The following TNR variants were observed in gnomAD, a reference collection of about 807,000 sequenced individuals.
The protein encoded by TNR is tenascin-R.
Under a neutral mutation model 150.4 loss-of-function variants are expected in TNR, and 45 were observed. The ratio of observed to expected loss-of-function variants is 0.30; its 90% CI spans 0.24 to 0.38. The LOEUF is 0.38. Ranked by LOEUF, TNR falls within the 10% of genes least tolerant of loss-of-function variation. TNR has a pLI of 1.00. For missense variants in TNR, 1,544 were observed against 1,759.1 expected (o/e 0.88, Z 2.19); for synonymous variants, 687 against 678.4 (o/e 1.01, Z -0.20).
At chr1:175,549,647 T>A (rs558558764) in intron 1 of TNR, among the ~76,000 whole-genome samples, 1 of 152,302 alleles carries the variant, frequency 6.6e-6, no homozygotes, top group East Asian at 1.9e-4. Flanking sequence ...TTCAGCTTGT[T>A]GCAGAGAGGG....
At chr1:175,601,364 A>T (rs1031538039) in intron 1 of TNR, among the ~76,000 whole-genome samples, 1 of 152,132 alleles carries the variant, frequency 6.6e-6, no homozygotes, top group Non-Finnish European at 1.5e-5. Context: ...TTTCAATTTG[A>T]TATATGTTTG....
intron 1 of TNR, among the ~76,000 whole-genome samples, chr1:175,671,801 A>T (rs1349367150): frequency 6.6e-6 from 1 of 151,944 alleles, no homozygotes; most frequent in Non-Finnish European, 1.5e-5. Flanking sequence ...TAGGCACATA[A>T]AATTGCACTT....
chr1:175,331,048 T>TC (rs1557867566), intron 20 of TNR, among the ~76,000 whole-genome samples: 3 of 90,664 alleles, frequency 3.3e-5, no homozygotes, highest in African/African-American at 1.2e-4. Context: ...TTTCTTTCTT[T>TC]CTTTCTTTCT....
chr1:175,478,815 T>G (rs1053090696), intron 2 of TNR, among the ~76,000 whole-genome samples: 5 of 152,222 alleles, frequency 3.3e-5, no homozygotes, highest in African/African-American at 1.2e-4. Flanking sequence ...GTGCTTAAGC[T>G]GTCAGCATTC....
chr1:175,739,791 AT>A (rs1482336318), intron 1 of TNR, among the ~76,000 whole-genome samples: 1 of 152,182 alleles, frequency 6.6e-6, no homozygotes, highest in African/African-American at 2.4e-5. Flanking sequence ...CTCTATCACA[AT>A]GAACTCTCCT....
rs893731964 is a variant in TNR at position 175,318,278 on chromosome 1, T to C, written c.*5079A>G. 2.0e-5 allele frequency: 3 copies of C among 152,262 alleles called. No homozygotes were observed. Among genetic ancestry groups the C allele is most frequent in the Non-Finnish European group, 4.4e-5 (3 of 68,058 alleles). The allele number at this position is 152,262 out of a possible 1,614,324, so 9.4% of individuals were successfully genotyped here. On this transcript the variant is annotated 3_prime_UTR_variant, in exon 23 of 23. Transcript: ENST00000367674. Reference sequence around the variant, plus strand: ...GCCTTGTCTCTGCCTTTCAGTGTGGTGCCACCGGTAGAAGGCTTGTTTTGA... The same window carrying C: ...GCCTTGTCTCTGCCTTTCAGTGTGGCGCCACCGGTAGAAGGCTTGTTTTGA...
At chr1:175,618,671 G>A (rs140709241) in intron 1 of TNR, among the ~76,000 whole-genome samples, 20 of 152,286 alleles carry the variant, frequency 1.3e-4, no homozygotes, top group East Asian at 1.2e-3. Context: ...CCATAGGGCC[G>A]TTGCTTACAG....
chr1:175,634,830 G>A (rs1664446139), intron 1 of TNR, among the ~76,000 whole-genome samples: 1 of 152,074 alleles, frequency 6.6e-6, no homozygotes, highest in Non-Finnish European at 1.5e-5. Flanking sequence ...TCTTTTCATA[G>A]CACATTATAA....
At chr1:175,680,527 T>C (rs956402945) in intron 1 of TNR, among the ~76,000 whole-genome samples, 1 of 152,112 alleles carries the variant, frequency 6.6e-6, no homozygotes, top group African/African-American at 2.4e-5. Flanking sequence ...AGCTGAACCC[T>C]GTGTGCCATC....
chr1:175,406,326 G>A lies in TNR; in HGVS notation c.389C>T (p.Ser130Leu). ...FPKKACPCAS[S>L]AQVLQELLSR... ...CAGCAGCTCCTGCAGCACCTGGGCT[G>A]AACTGGCACATGGACAGGCCTTTTT... is the stretch of plus-strand genomic sequence containing the variant. The change falls in exon 3 of 23, where the codon TCA becomes TTA. Residue 130 changes from serine (S) to leucine (L), a missense_variant. Ser to Leu is a moderately radical substitution (Grantham distance 145). This residue lies in a region of TNR where 1,254 missense variants were observed against 1,329.4 expected (regional missense o/e 0.94). Coordinates refer to ENST00000367674, the MANE Select transcript of TNR (RefSeq NM_003285.3). 6.8e-6 allele frequency: 11 copies of A among 1,614,132 alleles called. No individual in the cohort carries two copies. Among genetic ancestry groups the A allele is most frequent in the Non-Finnish European group, 8.5e-6 (10 of 1,180,022 alleles).
rs58416273 is a variant in TNR, at chr1:175,517,012, TGAGAGAGAGAGAGA to T, written c.-64+11243_-64+11256del. Among the ~76,000 whole-genome samples the T allele has an allele frequency of 6.0e-3, 720 of 120,444 alleles. 10 individuals carry two copies. The highest frequency in any genetic ancestry group is 0.018 in the African/African-American group (575 of 31,978). 79.0% of individuals were successfully genotyped at this position (120,444 alleles called of 152,430 possible). A position where few individuals can be genotyped will look rare whatever the true frequency, so the allele number is the denominator to read the frequency against. Reference sequence around the variant, plus strand: ...AGCACAAATTAGTACATCTGAAAGCTGAGAGAGAGAGAGAGAGAGAGAGAGAGAGAGAGAGAGAG... The same window carrying T: ...AGCACAAATTAGTACATCTGAAAGCTGAGAGAGAGAGAGAGAGAGAGAGAG... On this transcript the variant is annotated intron_variant, in intron 2 of 22. Transcript: ENST00000367674.
chr1:175,492,040 G>C (rs372840052), intron 2 of TNR, among the ~76,000 whole-genome samples: 6 of 152,002 alleles, frequency 3.9e-5, no homozygotes, highest in African/African-American at 1.5e-4. Context: ...TGTGGCCAAA[G>C]GCCATTGATG....
chr1:175,636,206 T>C (rs1664487898), intron 1 of TNR, among the ~76,000 whole-genome samples: 1 of 152,218 alleles, frequency 6.6e-6, no homozygotes. Flanking sequence ...GACATCCAGC[T>C]GTCCAATATT....
At chr1:175,442,728 C>T (rs907002894) in intron 2 of TNR, among the ~76,000 whole-genome samples, 16 of 151,658 alleles carry the variant, frequency 1.1e-4, no homozygotes, top group Admixed American at 8.5e-4. Context: ...GTCAACTGCC[C>T]GAGACCATAT....
At chr1:175,528,668 T>C (rs762491319) in intron 1 of TNR, among the ~76,000 whole-genome samples, 17 of 152,202 alleles carry the variant, frequency 1.1e-4, no homozygotes, top group Non-Finnish European at 2.4e-4. Flanking sequence ...TTTTTGAAAG[T>C]GACTGTAATA....
At chr1:175,382,426 A>T (rs1174731367) in intron 8 of TNR, among the ~76,000 whole-genome samples, 1 of 152,230 alleles carries the variant, frequency 6.6e-6, no homozygotes, top group Non-Finnish European at 1.5e-5. Flanking sequence ...CTTTGCAGCC[A>T]GATTCTTGGC....
chr1:175,510,119 C>A (rs1358078759), intron 2 of TNR, among the ~76,000 whole-genome samples: 1 of 151,956 alleles, frequency 6.6e-6, no homozygotes, highest in African/African-American at 2.4e-5. Context: ...GTCCCAGGTA[C>A]TCAGGAGGCT....
chr1:175,372,590 T>A (rs1652157932), intron 9 of TNR, among the ~76,000 whole-genome samples: 1 of 152,174 alleles, frequency 6.6e-6, no homozygotes, highest in African/African-American at 2.4e-5. Flanking sequence ...GCAAGGACTG[T>A]GGTGATAAAG....
chr1:175,678,514 G>A (rs1174301654), intron 1 of TNR, among the ~76,000 whole-genome samples: 1 of 152,172 alleles, frequency 6.6e-6, no homozygotes, highest in African/African-American at 2.4e-5. Context: ...GTCTCCTCTG[G>A]AAGACACAGT....
Sources: gnomAD v4.1 joint callset for allele counts (sites outside exome capture counted in the v4.1 genomes callset) on GRCh38, gnomAD v4.1.1 for gene constraint, gnomAD v4.1.1 regional missense constraint, MANE v1.5 for transcripts, NCBI Gene and HGNC (gene_info 2026-07-23, HGNC 2026-07-21) for gene names.